The following HS2ST1 variants were observed in gnomAD, a reference collection of about 807,000 sequenced individuals.
The protein encoded by HS2ST1 is 2-O-sulfotransferase.
HS2ST1 carries 18 observed loss-of-function variants against 42.9 expected under a neutral mutation model. The observed-to-expected ratio is 0.42, with a 90% CI of 0.29 to 0.62. The LOEUF is 0.62. Ranked by LOEUF, HS2ST1 falls within the 20% of genes least tolerant of loss-of-function variation. The pLI is 0.21. For missense variants in HS2ST1, 334 were observed against 433.8 expected, an observed-to-expected ratio of 0.77 and a Z score of 2.04; for synonymous variants, 146 against 152.9, an observed-to-expected ratio of 0.95 and a Z score of 0.33.
At chr1:87,081,762 C>T (rs1000459191) in intron 2 of HS2ST1, among the ~76,000 whole-genome samples, 1 of 151,688 alleles carries the variant, frequency 6.6e-6, no homozygotes, top group Non-Finnish European at 1.5e-5. Flanking sequence ...CCGAGGCGGG[C>T]AGATCACGAG....
At chr1:86,925,725 A>C (rs1248340956) in intron 1 of HS2ST1, among the ~76,000 whole-genome samples, 1 of 152,198 alleles carries the variant, frequency 6.6e-6, no homozygotes, top group Non-Finnish European at 1.5e-5. Context: ...ATTCAACATG[A>C]GATTTGGGTG....
chr1:87,091,777 A>T (rs531367099), intron 3 of HS2ST1, among the ~76,000 whole-genome samples: 38 of 152,194 alleles, frequency 2.5e-4, no homozygotes, highest in African/African-American at 8.9e-4. Flanking sequence ...ACAAGGGTGT[A>T]TAATAAAACA....
intron 1 of HS2ST1, among the ~76,000 whole-genome samples, chr1:87,042,058 C>T (rs1237004227): frequency 6.6e-6 from 1 of 152,066 alleles, no homozygotes; most frequent in East Asian, 1.9e-4. Context: ...TTTGGATATG[C>T]ATTTCCCTGA....
intron 1 of HS2ST1, among the ~76,000 whole-genome samples, chr1:86,992,642 A>G (rs1191773013): frequency 6.6e-6 from 1 of 152,212 alleles, no homozygotes; most frequent in African/African-American, 2.4e-5. Flanking sequence ...GATTACAGGC[A>G]TGAGCCACCG....
chr1:87,042,049 T>G (rs558350039), intron 1 of HS2ST1, among the ~76,000 whole-genome samples: 10 of 152,178 alleles, frequency 6.6e-5, no homozygotes, highest in Non-Finnish European at 1.2e-4. Context: ...TTATTATTGT[T>G]TGGATATGCA....
intron 1 of HS2ST1, among the ~76,000 whole-genome samples, chr1:86,948,099 A>G (rs1008598553): frequency 2.6e-5 from 4 of 151,340 alleles, no homozygotes; most frequent in Non-Finnish European, 4.4e-5. Flanking sequence ...GAAGCTTTCC[A>G]TGAAGACTTC....
rs192199520 is a variant in HS2ST1 at position 87,003,487 on chromosome 1, A to G, written c.125-69447A>G. Among the ~76,000 whole-genome samples, 9 of 152,314 alleles carry G rather than the reference A, an allele frequency of 5.9e-5. No homozygotes were observed. In the East Asian group the frequency reaches 1.7e-3, roughly 29 times the overall value. ...CGTTACCATTAACCTATTTAATCAGATGCACTTAGAGTTGCATATTCTGGG... is the reference window on the plus strand; with the variant it reads ...CGTTACCATTAACCTATTTAATCAGGTGCACTTAGAGTTGCATATTCTGGG... On this transcript the variant is annotated intron_variant, in intron 1 of 6. Transcript: ENST00000370550.
At chr1:86,936,573 A>G (rs1364604691) in intron 1 of HS2ST1, among the ~76,000 whole-genome samples, 2 of 152,204 alleles carry the variant, frequency 1.3e-5, no homozygotes, top group Admixed American at 1.3e-4. Flanking sequence ...ATAGGTGTCA[A>G]TATTATTCCT....
chr1:87,014,146 A>G (rs967656313), intron 1 of HS2ST1, among the ~76,000 whole-genome samples: 4 of 152,122 alleles, frequency 2.6e-5, no homozygotes, highest in African/African-American at 9.7e-5. Flanking sequence ...CTCAGTAACA[A>G]TTTACTGTAT....
chr1:87,039,818 A>G (rs547001227), intron 1 of HS2ST1, among the ~76,000 whole-genome samples: 12 of 152,182 alleles, frequency 7.9e-5, no homozygotes, highest in Non-Finnish European at 1.8e-4. Flanking sequence ...AAGTTTCTAG[A>G]CTAGGTGCCA....
rs145676685 is a variant in HS2ST1 at position 87,065,207 on chromosome 1, C to T, written c.125-7727C>T. Among the ~76,000 whole-genome samples, 786 of 152,286 alleles carry T rather than the reference C, an allele frequency of 5.2e-3. 7 individuals carry two copies. Among genetic ancestry groups the T allele is most frequent in the African/African-American group, 0.018 (738 of 41,556 alleles). ...TTCATTTTATGGGGAATGAGTTACA[C>T]GTCAGAGCAGTTATTGGAGATGCAC... On this transcript the variant is annotated intron_variant, in intron 1 of 6. Transcript: ENST00000370550.
At chr1:86,916,285 C>G (rs1660156368) in intron 1 of HS2ST1, among the ~76,000 whole-genome samples, 1 of 152,006 alleles carries the variant, frequency 6.6e-6, no homozygotes, top group Admixed American at 6.6e-5. Flanking sequence ...ATACTCTCAC[C>G]TCAAAATCAT....
chr1:86,936,536 G>A (rs1234703529), intron 1 of HS2ST1, among the ~76,000 whole-genome samples: 1 of 152,102 alleles, frequency 6.6e-6, no homozygotes, highest in Non-Finnish European at 1.5e-5. Context: ...AATAAATCAT[G>A]TAATTTAACC....
chr1:87,044,027 A>G (rs540420417), intron 1 of HS2ST1, among the ~76,000 whole-genome samples: 83 of 152,214 alleles, frequency 5.5e-4, no homozygotes, highest in African/African-American at 1.9e-3. Context: ...TTGATAATCT[A>G]TATTCAGTTC....
chr1:87,065,848 TA>T (rs1379680495), intron 1 of HS2ST1, among the ~76,000 whole-genome samples: 1 of 152,236 alleles, frequency 6.6e-6, no homozygotes, highest in Non-Finnish European at 1.5e-5. Context: ...TTTTTGTTAA[TA>T]TTTTTTGCTT....
intron 1 of HS2ST1, among the ~76,000 whole-genome samples, chr1:87,056,798 T>C (rs974907218): frequency 6.6e-6 from 1 of 152,228 alleles, no homozygotes; most frequent in African/African-American, 2.4e-5. Flanking sequence ...CAGTGCAAAG[T>C]ATATCAATAT....
At chr1:86,960,004 G>A (rs1460143788) in intron 1 of HS2ST1, among the ~76,000 whole-genome samples, 1 of 152,140 alleles carries the variant, frequency 6.6e-6, no homozygotes, top group African/African-American at 2.4e-5. Flanking sequence ...GGAGAACAAA[G>A]TCAGACTGAC....
chr1:86,954,040 TAAAAAAAAAAAAAAAA>T (rs367757359), intron 1 of HS2ST1, among the ~76,000 whole-genome samples: 1 of 67,336 alleles, frequency 1.5e-5, no homozygotes, highest in Non-Finnish European at 2.9e-5. Flanking sequence ...CTGTTTTTTT[TAAAAAAAAAAAAAAAA>T]AAAAAAAAAA....
chr1:86,935,928 A>G (rs2102170102), intron 1 of HS2ST1, among the ~76,000 whole-genome samples: 1 of 152,350 alleles, frequency 6.6e-6, no homozygotes, highest in Middle Eastern at 3.4e-3. Flanking sequence ...ATGACAGCTT[A>G]TGAAACCGTA....
Sources: allele counts gnomAD v4.1 joint callset (sites outside exome capture counted in the v4.1 genomes callset), GRCh38; gene constraint gnomAD v4.1.1; transcripts MANE v1.5; gene names NCBI Gene and HGNC (gene_info 2026-07-23, HGNC 2026-07-21).